DLC1: variants seen among roughly 807,000 people sequenced by gnomAD.
DLC1 encodes the protein DLC1 Rho GTPase activating protein, also known as rho GTPase-activating protein 7.
DLC1 carries 54 observed loss-of-function variants against 140.3 expected under a neutral mutation model. The ratio of observed to expected loss-of-function variants is 0.38; its 90% CI spans 0.31 to 0.48. The LOEUF (loss-of-function observed/expected upper bound fraction) is 0.48, where lower values mean the gene tolerates loss of function less well. Ranked by LOEUF, DLC1 falls within the 20% of genes least tolerant of loss-of-function variation. DLC1 has a pLI of 0.96. For synonymous variants in DLC1, 986 were observed against 728.1 expected, an observed-to-expected ratio of 1.35 and a Z score of -5.70; for missense variants, 2,536 against 1,907.0, an observed-to-expected ratio of 1.33 and a Z score of -6.14.
intron 7 of DLC1, among the ~76,000 whole-genome samples, chr8:13,104,560 T>C (rs1026850384): frequency 3.3e-5 from 5 of 152,200 alleles, no homozygotes; most frequent in Non-Finnish European, 5.9e-5. Context: ...ATCACCAGTT[T>C]TCTAGTTTTT....
intron 5 of DLC1, among the ~76,000 whole-genome samples, chr8:13,303,611 G>C (rs1022378463): frequency 2.4e-4 from 36 of 152,052 alleles, no homozygotes; most frequent in African/African-American, 8.7e-4. Flanking sequence ...AGACTAGCCT[G>C]GCCAACATGG....
chr8:13,087,621 C>T (rs1215338603), intron 16 of DLC1, among the ~76,000 whole-genome samples: 4 of 152,294 alleles, frequency 2.6e-5, no homozygotes, highest in Admixed American at 2.6e-4. Context: ...TGTGCTCAGA[C>T]AGTCTCCTCT....
At chr8:13,435,262 G>A (rs371612649) in intron 2 of DLC1, among the ~76,000 whole-genome samples, 1 of 152,200 alleles carries the variant, frequency 6.6e-6, no homozygotes, top group African/African-American at 2.4e-5. Context: ...GCTTAAAGAT[G>A]TGGCTGAATG....
chr8:13,289,750 TAAG>T (rs1296664566), intron 5 of DLC1, among the ~76,000 whole-genome samples: 1 of 152,184 alleles, frequency 6.6e-6, no homozygotes, highest in Non-Finnish European at 1.5e-5. Flanking sequence ...GTAAATAAAA[TAAG>T]AACCTTGTTC....
chr8:13,201,019 A>G (rs1286055359), intron 5 of DLC1, among the ~76,000 whole-genome samples: 1 of 152,180 alleles, frequency 6.6e-6, no homozygotes. Flanking sequence ...TACTGAGTAC[A>G]GTGGGTTTCA....
intron 4 of DLC1, among the ~76,000 whole-genome samples, chr8:13,374,536 G>T (rs1835879055): frequency 6.6e-6 from 1 of 152,200 alleles, no homozygotes; most frequent in African/African-American, 2.4e-5. Flanking sequence ...TGTAATCCCA[G>T]CACTGTGGGA....
At chr8:13,324,848 C>CGTGT (rs149986387) in intron 4 of DLC1, among the ~76,000 whole-genome samples, 2 of 151,194 alleles carry the variant, frequency 1.3e-5, no homozygotes, top group Non-Finnish European at 1.5e-5. Flanking sequence ...GAAGGTGTTT[C>CGTGT]GTGTGTGTGT....
chr8:13,160,784 G>A (rs982294451), intron 5 of DLC1, among the ~76,000 whole-genome samples: 4 of 152,152 alleles, frequency 2.6e-5, no homozygotes, highest in African/African-American at 9.7e-5. Flanking sequence ...GTGGGGATCA[G>A]GATAGATTTA....
chr8:13,406,911 C>G (rs1391209816), intron 2 of DLC1, among the ~76,000 whole-genome samples: 2 of 152,130 alleles, frequency 1.3e-5, no homozygotes, highest in African/African-American at 2.4e-5. Flanking sequence ...GAACTTGAGT[C>G]AATGCTGTGA....
intron 16 of DLC1, among the ~76,000 whole-genome samples, chr8:13,088,243 C>G (rs757360340): frequency 4.6e-5 from 7 of 152,010 alleles, no homozygotes; most frequent in Admixed American, 1.3e-4. Flanking sequence ...CAACATCTAG[C>G]TGATTTTTAA....
intron 1 of DLC1, among the ~76,000 whole-genome samples, chr8:13,577,008 A>G (rs866305527): frequency 6.6e-6 from 1 of 152,154 alleles, no homozygotes; most frequent in Non-Finnish European, 1.5e-5. Context: ...CTGCTTGCTG[A>G]TTGGACATAA....
chr8:13,413,644 C>T lies in DLC1; in HGVS notation c.1024-12025G>A, dbSNP rs534123212. Among the ~76,000 whole-genome samples, 4 of 152,018 alleles carry T rather than the reference C, an allele frequency of 2.6e-5. No homozygotes were observed. In the South Asian group the frequency reaches 8.3e-4, roughly 32 times the overall value. ...AGGTAATTGGATCATGGAGGAGGTTCCCCCATGCTGTTCTCATGATAGTGC... is the reference window on the plus strand; with the variant it reads ...AGGTAATTGGATCATGGAGGAGGTTTCCCCATGCTGTTCTCATGATAGTGC... On this transcript the variant is annotated intron_variant, in intron 2 of 17. Transcript: ENST00000276297.
At chr8:13,473,479 AC>A (rs758976666) in intron 2 of DLC1, among the ~76,000 whole-genome samples, 26 of 152,174 alleles carry the variant, frequency 1.7e-4, no homozygotes, top group Non-Finnish European at 4.4e-5. Context: ...GTAAATTGGT[AC>A]CAGTAGAGCG....
chr8:13,317,224 C>T (rs1256711930), intron 4 of DLC1, among the ~76,000 whole-genome samples: 2 of 152,086 alleles, frequency 1.3e-5, no homozygotes, highest in African/African-American at 4.8e-5. Flanking sequence ...GTAACATTAG[C>T]AATAAGCCAC....
chr8:13,347,277 A>G (rs1473955657), intron 4 of DLC1, among the ~76,000 whole-genome samples: 3 of 152,212 alleles, frequency 2.0e-5, no homozygotes, highest in East Asian at 1.9e-4. Context: ...CCATATCTCT[A>G]TCTTGCTTTT....
intron 5 of DLC1, among the ~76,000 whole-genome samples, chr8:13,301,019 G>A (rs1409187761): frequency 6.6e-6 from 1 of 152,164 alleles, no homozygotes; most frequent in Non-Finnish European, 1.5e-5. Context: ...TGTAGAAGGT[G>A]GAGGAGCCTG....
rs117299040 is a variant in DLC1, at chr8:13,426,783, A to G, written c.1024-25164T>C. Reference sequence around the variant, plus strand: ...TAGTCCCATTGCCTCGTTCTTATATATATATTTTTCCTTCTCTTCTTTAAA... The same window carrying G: ...TAGTCCCATTGCCTCGTTCTTATATGTATATTTTTCCTTCTCTTCTTTAAA... On this transcript the variant is annotated intron_variant, in intron 2 of 17. Coordinates refer to ENST00000276297, the MANE Select transcript of DLC1 (RefSeq NM_182643.3). Among the ~76,000 whole-genome samples the G allele has an allele frequency of 2.6e-3, 352 of 136,074 alleles. 7 individuals are homozygous for G. The highest frequency in any genetic ancestry group is 0.022 in the East Asian group (97 of 4,462). The allele number at this position is 136,074 out of a possible 152,430, so 89.3% of individuals were successfully genotyped here.
chr8:13,401,943 T>C (rs1428475232), intron 2 of DLC1, among the ~76,000 whole-genome samples: 2 of 152,234 alleles, frequency 1.3e-5, no homozygotes, highest in Non-Finnish European at 2.9e-5. Context: ...ATTTTTCTTC[T>C]TTTTTCAGAG....
At chr8:13,404,773 G>T (rs1028059948) in intron 2 of DLC1, among the ~76,000 whole-genome samples, 2 of 152,050 alleles carry the variant, frequency 1.3e-5, no homozygotes, top group Non-Finnish European at 2.9e-5. Flanking sequence ...AGAGGTGGGT[G>T]AATCACTTGA....
Sources: gnomAD v4.1 joint callset for allele counts (sites outside exome capture counted in the v4.1 genomes callset) on GRCh38, gnomAD v4.1.1 for gene constraint, MANE v1.5 for transcripts, NCBI Gene and HGNC (gene_info 2026-07-23, HGNC 2026-07-21) for gene names.